Variants in CRB1 observed in about 807,000 individuals in gnomAD.
The protein encoded by CRB1 is protein crumbs homolog 1.
In CRB1, 83 loss-of-function variants were observed where a neutral mutation model predicts 120.0. That is an observed-to-expected ratio of 0.69 (90% CI 0.58 to 0.83). The LOEUF is 0.83. CRB1 is among the 40% of genes least tolerant of loss of function. The pLI is 0.00. For synonymous variants in CRB1, 625 were observed against 612.5 expected (o/e 1.02, Z -0.30); for missense variants, 1,699 against 1,687.6 (o/e 1.01, Z -0.12).
chr1:197,301,228 C>T (rs760887064), intron 1 of CRB1, among the ~76,000 whole-genome samples: 1 of 151,550 alleles, frequency 6.6e-6, no homozygotes, highest in Admixed American at 6.6e-5. Context: ...TGCAGTGGCG[C>T]GACCTCGGCT....
chr1:197,409,856 C>T (rs896980613), intron 5 of CRB1, among the ~76,000 whole-genome samples: 1 of 152,162 alleles, frequency 6.6e-6, no homozygotes, highest in Non-Finnish European at 1.5e-5. Flanking sequence ...AATCTCGGCT[C>T]ACTGCAAGCT....
chr1:197,268,586 A>T, intron 1 of CRB1, 104 bp downstream of exon 1: 1 of 949,874 alleles, frequency 1.1e-6, no homozygotes. Flanking sequence ...TACAATGCTA[A>T]AAAAGGAAGT....
At chr1:197,301,754 C>T (rs1656874821) in intron 1 of CRB1, among the ~76,000 whole-genome samples, 1 of 151,990 alleles carries the variant, frequency 6.6e-6, no homozygotes, top group Non-Finnish European at 1.5e-5. Context: ...GGGTTCAACA[C>T]CTCAATGGAG....
At chr1:197,406,706 C>G (rs1426325921) in intron 5 of CRB1, among the ~76,000 whole-genome samples, 2 of 151,946 alleles carry the variant, frequency 1.3e-5, no homozygotes, top group African/African-American at 4.8e-5. Context: ...CTTTTATTAA[C>G]TTAACTTTAA....
At chr1:197,462,441 A>C (rs751831826) in intron 11 of CRB1, among the ~76,000 whole-genome samples, 1 of 152,108 alleles carries the variant, frequency 6.6e-6, no homozygotes, top group Non-Finnish European at 1.5e-5. Flanking sequence ...TACAAAAACA[A>C]CTCCGAAGTT....
Position 197,312,913 on chromosome 1 carries a change from GT to G in CRB1, c.71-15502del, listed in dbSNP as rs937033146. 3.7e-4 allele frequency among the ~76,000 whole-genome samples: 56 copies of G among 152,184 alleles called. 1 individual carries two copies. Among genetic ancestry groups the G allele is most frequent in the Non-Finnish European group, 4.0e-4 (27 of 68,008 alleles). ...TTTCAACAGTATTTTATCCAGTTAA[GT>G]TTTTTTATTTTTTAAATTGACACAT... On this transcript the variant is annotated intron_variant, in intron 1 of 11. Coordinates refer to ENST00000367400, the MANE Select transcript of CRB1 (RefSeq NM_201253.3).
chr1:197,249,802 C>A, the CRB1 span, among the ~76,000 whole-genome samples: 2 of 151,988 alleles, frequency 1.3e-5, no homozygotes, highest in African/African-American at 4.8e-5. Context: ...AGATAATACT[C>A]TGACATTTTA....
chr1:197,475,902 T>A (rs1483543831), intron 11 of CRB1, among the ~76,000 whole-genome samples: 1 of 152,136 alleles, frequency 6.6e-6, no homozygotes, highest in Non-Finnish European at 1.5e-5. Flanking sequence ...TTCTTGCGTT[T>A]TATGTTTTGT....
intron 1 of CRB1, among the ~76,000 whole-genome samples, chr1:197,310,461 A>G (rs1657449933): frequency 6.6e-6 from 1 of 152,198 alleles, no homozygotes; most frequent in Non-Finnish European, 1.5e-5. Context: ...CAGACCACAG[A>G]TAATAGGGAA....
intron 5 of CRB1, among the ~76,000 whole-genome samples, chr1:197,419,750 G>A (rs1664188820): frequency 6.6e-6 from 1 of 150,584 alleles, no homozygotes; most frequent in Non-Finnish European, 1.5e-5. Context: ...CGAGGCGGGT[G>A]GATCACGAGG....
At chr1:197,264,704 C>A (rs1654593665), upstream of CRB1, among the ~76,000 whole-genome samples, 1 of 151,338 alleles carries the variant, frequency 6.6e-6, no homozygotes, top group African/African-American at 2.4e-5. Context: ...TCACTGCAAC[C>A]TCCGCCTCCT....
At position 197,372,380 on chromosome 1, in the gene CRB1, G is replaced by A. The variant is rs538280685; in HGVS notation, c.1171+15367G>A. 5.3e-5 allele frequency among the ~76,000 whole-genome samples: 8 copies of A among 152,218 alleles called. No individual in the cohort carries two copies. The South Asian group carries it at 6.2e-4, about 12-fold the overall frequency. On this transcript the variant is annotated intron_variant, in intron 5 of 11. Transcript: ENST00000367400. The stretch of plus-strand genomic sequence containing the variant: ...ACCAATAATGACAGGGGCAATAAAC[G>A]AGCAACACTAACCCCCAAAGGAGAG...
At chr1:197,360,791 T>C (rs1206120972) in intron 5 of CRB1, among the ~76,000 whole-genome samples, 2 of 152,220 alleles carry the variant, frequency 1.3e-5, no homozygotes, top group African/African-American at 2.4e-5. Context: ...ACAATATACA[T>C]GCTGTTTATT....
At chr1:197,376,824 C>T (rs1661672534) in intron 5 of CRB1, among the ~76,000 whole-genome samples, 1 of 152,118 alleles carries the variant, frequency 6.6e-6, no homozygotes, top group Non-Finnish European at 1.5e-5. Context: ...CTCAATAAAA[C>T]TTGTACTCCT....
intron 9 of CRB1, 33 bp from the exon 10 acceptor site, chr1:197,438,514 G>T: frequency 1.2e-6 from 2 of 1,609,958 alleles, no homozygotes; most frequent in South Asian, 2.2e-5. Context: ...TGAACAAGAT[G>T]AACAGCTGTG....
At chr1:197,422,866 A>T (rs1664405374) in intron 6 of CRB1, 1 of 152,168 alleles carries the variant, frequency 6.6e-6, no homozygotes, top group African/African-American at 2.4e-5. Context: ...GCTTTATATG[A>T]AGTAAAATTA....
the CRB1 span, chr1:197,222,863 T>C: frequency 6.6e-7 from 1 of 1,508,536 alleles, no homozygotes; most frequent in Non-Finnish European, 9.2e-7. Context: ...AGCTGGCAGG[T>C]TTGGATGAAA....
At chr1:197,249,851 G>A in the CRB1 span, among the ~76,000 whole-genome samples, 1 of 151,916 alleles carries the variant, frequency 6.6e-6, no homozygotes, top group Non-Finnish European at 1.5e-5. Context: ...ATTCAAGAGT[G>A]GATTTAGAAA....
At chr1:197,217,474 G>C in the CRB1 span, among the ~76,000 whole-genome samples, 1 of 152,126 alleles carries the variant, frequency 6.6e-6, no homozygotes, top group South Asian at 2.1e-4. Context: ...CCATGCAAAT[G>C]AATATTATTC....
Sources: gnomAD v4.1 joint callset for allele counts (sites outside exome capture counted in the v4.1 genomes callset) on GRCh38, gnomAD v4.1.1 for gene constraint, MANE v1.5 for transcripts, NCBI Gene and HGNC (gene_info 2026-07-23, HGNC 2026-07-21) for gene names.